The following ABCC8 variants were observed in gnomAD, a reference collection of about 807,000 sequenced individuals.
The protein encoded by ABCC8 is ATP binding cassette subfamily C member 8, also known as ATP-binding cassette sub-family C member 8.
Under a neutral mutation model 188.0 loss-of-function variants are expected in ABCC8, and 137 were observed. That is an observed-to-expected ratio of 0.73 (90% CI 0.63 to 0.84). The LOEUF is 0.84. ABCC8 is among the 40% of genes least tolerant of loss of function. ABCC8 has a pLI of 0.00. For synonymous variants in ABCC8, 797 were observed against 846.5 expected, an observed-to-expected ratio of 0.94 and a Z score of 1.01; for missense variants, 1,750 against 2,072.7, an observed-to-expected ratio of 0.84 and a Z score of 3.02.
chr11:17,456,584 T>C (rs1234175863), intron 6 of ABCC8, among the ~76,000 whole-genome samples: 1 of 151,726 alleles, frequency 6.6e-6, no homozygotes, highest in African/African-American at 2.4e-5. Flanking sequence ...GGGTAAAGAA[T>C]AAAATTATCT....
intron 7 of ABCC8, among the ~76,000 whole-genome samples, chr11:17,449,462 C>T (rs369887550): frequency 3.3e-5 from 5 of 152,222 alleles, no homozygotes; most frequent in African/African-American, 4.8e-5. Context: ...TACACGACCG[C>T]GTGAGTCAGT....
At chr11:17,445,619 C>T (rs147776301) in intron 8 of ABCC8, among the ~76,000 whole-genome samples, 1 of 152,384 alleles carries the variant, frequency 6.6e-6, no homozygotes, top group East Asian at 1.9e-4. Flanking sequence ...AGAATCCTAA[C>T]CACATGAGTT....
chr11:17,473,612 C>G (rs1456750073), intron 2 of ABCC8, among the ~76,000 whole-genome samples: 2 of 152,154 alleles, frequency 1.3e-5, no homozygotes, highest in African/African-American at 4.8e-5. Flanking sequence ...TCCTGGCAGT[C>G]TCTCATCCTT....
Position 17,428,165 on chromosome 11 carries a change from G to T in ABCC8, c.2040+124C>A. ...GGTCCCTGGTTTCTGGACTCCTATG[G>T]ACCGTACAGGCAGGCAGGGTGACCT... On this transcript the variant is annotated intron_variant, in intron 14 of 38. Transcript: ENST00000389817. The T allele has an allele frequency of 1.9e-6, 3 of 1,559,218 alleles. No individual in the cohort carries two copies. The South Asian group carries it at 3.4e-5, about 18-fold the overall frequency.
chr11:17,457,858 C>A (rs1957050974), intron 6 of ABCC8, among the ~76,000 whole-genome samples: 1 of 152,206 alleles, frequency 6.6e-6, no homozygotes, highest in Non-Finnish European at 1.5e-5. Flanking sequence ...GCTGTGCCAA[C>A]TGCTGCAGGA....
At chr11:17,428,693 C>T (rs771829566) in intron 12 of ABCC8, 23 bp from the exon 13 acceptor site, 3 of 1,609,540 alleles carry the variant, frequency 1.9e-6, no homozygotes, top group South Asian at 2.2e-5. Context: ...CACAGAGACA[C>T]CCCTCACCCC....
chr11:17,463,983 T>C (rs758826909), intron 3 of ABCC8, among the ~76,000 whole-genome samples: 11 of 152,154 alleles, frequency 7.2e-5, no homozygotes, highest in Non-Finnish European at 1.6e-4. Context: ...TCAAAGAAAG[T>C]ACACTGCCGT....
chr11:17,426,897 G>T, intron 16 of ABCC8, 152 bp downstream of exon 16: 2 of 832,792 alleles, frequency 2.4e-6, no homozygotes, highest in Non-Finnish European at 3.6e-6. Context: ...ATACGTACTA[G>T]TGATGATGAT....
intron 16 of ABCC8, among the ~76,000 whole-genome samples, chr11:17,421,549 A>C (rs1955343582): frequency 2.0e-5 from 3 of 152,192 alleles, no homozygotes; most frequent in South Asian, 4.1e-4. Context: ...GCTCACAAGA[A>C]TCTTTCCCAG....
intron 8 of ABCC8, chr11:17,444,484 C>T (rs1229531840): frequency 2.0e-5 from 3 of 152,410 alleles, no homozygotes; most frequent in African/African-American, 4.8e-5. Context: ...ACACCACCTC[C>T]AAGAGACTGG....
rs372714948 is a variant in ABCC8 at position 17,448,111 on chromosome 11, C to T, written c.1332+405G>A. ...GCATTCCATGTACGATTTTTCTTTT[C>T]TTTCTTCTTTTTTTTTTCTGCATAG... On this transcript the variant is annotated intron_variant, in intron 8 of 38. Transcript: ENST00000389817. 71 of 185,464 alleles carry T rather than the reference C, an allele frequency of 3.8e-4. 1 individual carries two copies. The South Asian group carries it at 8.8e-3, about 23-fold the overall frequency. 11.5% of individuals were successfully genotyped at this position (185,464 alleles called of 1,614,324 possible).
chr11:17,404,088 T>C lies in ABCC8; in HGVS notation c.3557+424A>G, dbSNP rs1417663251. ...GCTCCCTCAAGTCAAGGCTTACAGC[T>C]ACACTCTGGACTCACGTGGGCTGGG... On this transcript the variant is annotated intron_variant, in intron 28 of 38. Coordinates refer to ENST00000389817, the MANE Select transcript of ABCC8 (RefSeq NM_000352.6). This position sits in a 1 kb window ranked among gnomAD's most constrained non-coding sequence, Gnocchi z 4.7. 6.6e-6 allele frequency among the ~76,000 whole-genome samples: 1 copy of C among 152,188 alleles called. No homozygotes were observed. The highest frequency in any genetic ancestry group is 1.5e-5 in the Non-Finnish European group (1 of 68,040).
chr11:17,430,437 C>T (rs925138870), intron 12 of ABCC8: 2 of 356,116 alleles, frequency 5.6e-6, no homozygotes, highest in African/African-American at 4.3e-5. Flanking sequence ...TTCTGATATC[C>T]ATGGGGCAGC....
At chr11:17,411,924 C>T (rs985652818) in intron 21 of ABCC8, among the ~76,000 whole-genome samples, 3 of 140,450 alleles carry the variant, frequency 2.1e-5, no homozygotes, top group South Asian at 2.2e-4. Context: ...GACAAAGTCT[C>T]GGTTTGTCCC....
At chr11:17,463,752 A>C (rs1420647579) in intron 3 of ABCC8, 148 bp from the exon 4 acceptor site, 4 of 993,302 alleles carry the variant, frequency 4.0e-6, no homozygotes, top group African/African-American at 1.6e-5. Context: ...GCACGTGTGA[A>C]TATATCAGAG....
rs867781158 is a variant in ABCC8, at chr11:17,443,382, C to A, written c.1333-70G>T. 7 of 1,610,482 alleles carry A rather than the reference C, an allele frequency of 4.3e-6. 1 individual carries two copies. In the Middle Eastern group the frequency reaches 9.9e-4, roughly 228 times the overall value. ...CCCTGCCAGGAGGTGCTGGCAAAATCCCTGTTTCCCCAGTCCCCTAGAGTG... is the reference window on the plus strand; with the variant it reads ...CCCTGCCAGGAGGTGCTGGCAAAATACCTGTTTCCCCAGTCCCCTAGAGTG... On this transcript the variant is annotated intron_variant, in intron 8 of 38. Transcript: ENST00000389817.
chr11:17,417,096 C>G (rs1955117044), intron 16 of ABCC8, 134 bp from the exon 17 acceptor site: 1 of 1,550,146 alleles, frequency 6.5e-7, no homozygotes, highest in Admixed American at 1.9e-5. Context: ...TCCAAATGGC[C>G]TCTGTGGGGT....
chr11:17,470,060 A>G (rs1848393621), intron 3 of ABCC8, 41 bp downstream of exon 3: 3 of 1,606,316 alleles, frequency 1.9e-6, no homozygotes, highest in Middle Eastern at 1.7e-4. Flanking sequence ...ATCTGAAGAA[A>G]TGAATGAAGG....
chr11:17,434,981 T>TCGCG (rs1554928874), intron 10 of ABCC8, among the ~76,000 whole-genome samples: 70 of 127,768 alleles, frequency 5.5e-4, no homozygotes, highest in African/African-American at 1.7e-3. Context: ...CTGCGTGTGT[T>TCGCG]CGCGTGTGTG....
Sources: allele counts gnomAD v4.1 joint callset (sites outside exome capture counted in the v4.1 genomes callset), GRCh38; gene constraint gnomAD v4.1.1; non-coding constraint Gnocchi (gnomAD v3.1); transcripts MANE v1.5; gene names NCBI Gene and HGNC (gene_info 2026-07-23, HGNC 2026-07-21).